Variants in DEPDC5 observed in about 807,000 individuals in gnomAD.
DEPDC5 encodes the protein GATOR1 complex protein DEPDC5.
A neutral mutation model predicts 217.3 loss-of-function variants in DEPDC5; 73 were observed. The observed-to-expected ratio is 0.34, with a 90% CI of 0.28 to 0.41. DEPDC5 has a LOEUF of 0.41. Ranked by LOEUF, DEPDC5 falls within the 10% of genes least tolerant of loss-of-function variation. The pLI is 1.00. For missense variants in DEPDC5, 1,675 were observed against 2,070.1 expected (o/e 0.81, Z 3.70); for synonymous variants, 733 against 756.7 (o/e 0.97, Z 0.51).
intron 10 of DEPDC5, among the ~76,000 whole-genome samples, chr22:31,788,054 T>C (rs527970566): frequency 6.6e-6 from 1 of 151,786 alleles, no homozygotes; most frequent in Non-Finnish European, 1.5e-5. Flanking sequence ...CCCACAGATA[T>C]TAAACACCTA....
At chr22:31,772,242 AAATT>A (rs2083430514) in intron 7 of DEPDC5, among the ~76,000 whole-genome samples, 1 of 152,062 alleles carries the variant, frequency 6.6e-6, no homozygotes. Context: ...AAACAAACAA[AAATT>A]TGTTAGCGGG....
chr22:31,836,417 T>C (rs1431263748), intron 25 of DEPDC5, among the ~76,000 whole-genome samples: 1 of 152,256 alleles, frequency 6.6e-6, no homozygotes, highest in Non-Finnish European at 1.5e-5. Context: ...AAACTCTGTC[T>C]CTTAAAGTTC....
intron 31 of DEPDC5, among the ~76,000 whole-genome samples, chr22:31,847,995 A>C (rs2091838105): frequency 6.6e-6 from 1 of 152,240 alleles, no homozygotes; most frequent in Admixed American, 6.5e-5. Context: ...GAAATTGGCC[A>C]AAACAAAGGG....
chr22:31,890,177 C>A (rs2093410246), intron 38 of DEPDC5, among the ~76,000 whole-genome samples: 1 of 152,130 alleles, frequency 6.6e-6, no homozygotes, highest in East Asian at 1.9e-4. Context: ...TCTGGGCTGG[C>A]ACATCTCAGT....
rs1422463672 is a variant in DEPDC5, at chr22:31,837,174, G to T, written c.2354+19G>T. The T allele has an allele frequency of 3.1e-6, 5 of 1,613,430 alleles. No individual in the cohort carries two copies. The highest frequency in any genetic ancestry group is 4.2e-6 in the Non-Finnish European group (5 of 1,179,602). The stretch of plus-strand genomic sequence containing the variant: ...TCGACAGGTCAGTGTCAGAGAAAAA[G>T]GCACTTGGCTTGGTTGGTGAGGGTT... On this transcript the variant is annotated intron_variant, in intron 26 of 42. Coordinates refer to ENST00000651528, the MANE Select transcript of DEPDC5 (RefSeq NM_001242896.3).
At chr22:31,767,575 G>A (rs1227587219) in intron 6 of DEPDC5, among the ~76,000 whole-genome samples, 10 of 151,996 alleles carry the variant, frequency 6.6e-5, no homozygotes, top group Admixed American at 1.3e-4. Flanking sequence ...GATTACAGGC[G>A]TGAGCCACCG....
At chr22:31,758,016 G>A (rs539307308) in intron 2 of DEPDC5, among the ~76,000 whole-genome samples, 5 of 152,124 alleles carry the variant, frequency 3.3e-5, no homozygotes, top group African/African-American at 7.2e-5. Context: ...TGTCCATCTC[G>A]GCCTCTCAAA....
chr22:31,764,881 G>A (rs1428472054), intron 4 of DEPDC5, 94 bp from the exon 5 acceptor site: 2 of 871,008 alleles, frequency 2.3e-6, no homozygotes, highest in African/African-American at 1.7e-5. Context: ...ATGATCAATT[G>A]TGTTGCTTAC....
chr22:31,768,750 C>A, intron 6 of DEPDC5, 64 bp from the exon 7 acceptor site: 1 of 1,361,946 alleles, frequency 7.3e-7, no homozygotes, highest in South Asian at 1.2e-5. Flanking sequence ...TAATCAATCT[C>A]TCTCTCTTTC....
rs574297955 is a variant in DEPDC5, at chr22:31,758,906, C to G, written c.146+273C>G. 2.0e-5 allele frequency among the ~76,000 whole-genome samples: 3 copies of G among 150,822 alleles called. No individual in the cohort carries two copies. In the South Asian group the frequency reaches 6.3e-4, roughly 32 times the overall value. ...ATTTTTCAAAAGTGGTCCATTCCTT[C>G]GTTTTTTTTTTTTTGAGATGGAGTC... On this transcript the variant is annotated intron_variant, in intron 3 of 42. Coordinates refer to ENST00000651528, the MANE Select transcript of DEPDC5 (RefSeq NM_001242896.3).
chr22:31,886,980 G>A (rs2149339929), intron 38 of DEPDC5, among the ~76,000 whole-genome samples: 1 of 151,972 alleles, frequency 6.6e-6, no homozygotes, highest in Admixed American at 6.6e-5. Context: ...CTACTCGGGA[G>A]GCTGAAGCAG....
At chr22:31,809,561 T>C (rs1170802035) in intron 18 of DEPDC5, 50 bp from the exon 19 acceptor site, 1 of 1,606,170 alleles carries the variant, frequency 6.2e-7, no homozygotes, top group Non-Finnish European at 8.5e-7. Flanking sequence ...TTGTGATAAG[T>C]TCTTTTCTAG....
rs377039864 is a variant in DEPDC5, at chr22:31,765,038, A to G, written c.257A>G (p.Tyr86Cys). ...VFRLRPYQDV[Y>C]VNVVDPKDVT... is the part of the protein sequence containing the mutation. Reference sequence around the variant, plus strand: ...CGGCTGAGACCTTATCAGGATGTCTATGTTAATGTCGTAGACCCTAAGGTA... The same window carrying G: ...CGGCTGAGACCTTATCAGGATGTCTGTGTTAATGTCGTAGACCCTAAGGTA... Residue 86 changes from tyrosine (Y) to cysteine (C), a missense_variant, in exon 5 of 43, where the codon TAT becomes TGT. Physicochemically the swap from Tyr to Cys is radical, Grantham distance 194. Around this residue, in one of 11 missense-constraint regions of DEPDC5, gnomAD observed 628 missense variants for 762.1 expected, o/e 0.82. Coordinates refer to ENST00000651528, the MANE Select transcript of DEPDC5 (RefSeq NM_001242896.3). 16 of 1,613,864 alleles carry G rather than the reference A, an allele frequency of 9.9e-6. No individual in the cohort carries two copies. The highest frequency in any genetic ancestry group is 6.7e-5 in the East Asian group (3 of 44,892).
In DEPDC5 at chr22:31,810,431, G is replaced by A. The variant is rs1020983247; in HGVS notation, c.1325-90G>A. On this transcript the variant is annotated intron_variant, in intron 19 of 42. Transcript: ENST00000651528. ...AAGGCCTCTGTTTGAAATGTATTTG[G>A]ATGACAATTTATATTATTTGTGTAT... is the stretch of plus-strand genomic sequence containing the variant. 12 of 1,577,122 alleles carry A rather than the reference G, an allele frequency of 7.6e-6. No individual in the cohort carries two copies. In the African/African-American group the frequency reaches 8.2e-5, roughly 11 times the overall value.
chr22:31,754,288 C>T (rs1166242886), intron 1 of DEPDC5, 124 bp downstream of exon 1: 2 of 154,690 alleles, frequency 1.3e-5, no homozygotes, highest in African/African-American at 4.8e-5. Context: ...GTCTCTCTCC[C>T]TCTCTGAGCC....
chr22:31,830,562 A>G (rs1213137934), intron 24 of DEPDC5, among the ~76,000 whole-genome samples: 1 of 151,940 alleles, frequency 6.6e-6, no homozygotes, highest in East Asian at 1.9e-4. Flanking sequence ...TCCTTAAAAT[A>G]TTTGCTTAAA....
chr22:31,828,091 T>C (rs2090291727), intron 24 of DEPDC5, among the ~76,000 whole-genome samples: 1 of 152,208 alleles, frequency 6.6e-6, no homozygotes, highest in South Asian at 2.1e-4. Flanking sequence ...TTGTACTTTT[T>C]TTATTGTAAG....
Position 31,845,256 on chromosome 22 carries a change from CAG to C in DEPDC5, c.3021+20_3021+21del, listed in dbSNP as rs756984301. The C allele has an allele frequency of 5.9e-5, 94 of 1,605,630 alleles. No individual in the cohort carries two copies. Among genetic ancestry groups the C allele is most frequent in the East Asian group, 1.4e-4 (6 of 44,358 alleles). Reference sequence around the variant, plus strand: ...GATGCGGGTAAGGGCTCCTTAGACTCAGGGAGTGCGCCTGGTGTGAGATGCAG... The same window carrying C: ...GATGCGGGTAAGGGCTCCTTAGACTCGGAGTGCGCCTGGTGTGAGATGCAG... On this transcript the variant is annotated intron_variant, in intron 30 of 42. Transcript: ENST00000651528.
At chr22:31,836,685 ACCTGCATTGC>A (rs2091021034) in intron 25 of DEPDC5, among the ~76,000 whole-genome samples, 1 of 152,072 alleles carries the variant, frequency 6.6e-6, no homozygotes, top group South Asian at 2.1e-4. Context: ...CCGTAATCTC[ACCTGCATTGC>A]GGCTGCAGCT....
Sources: gnomAD v4.1 joint callset for allele counts (sites outside exome capture counted in the v4.1 genomes callset) on GRCh38, gnomAD v4.1.1 for gene constraint, gnomAD v4.1.1 regional missense constraint, MANE v1.5 for transcripts, NCBI Gene and HGNC (gene_info 2026-07-23, HGNC 2026-07-21) for gene names.